ROBO2: variants seen among roughly 807,000 people sequenced by gnomAD.
ROBO2 encodes roundabout guidance receptor 2, also known as roundabout homolog 2.
Under a neutral mutation model 160.8 loss-of-function variants are expected in ROBO2, and 53 were observed. The ratio of observed to expected loss-of-function variants is 0.33; its 90% CI spans 0.26 to 0.41. ROBO2 has a LOEUF of 0.41. Ranked by LOEUF, ROBO2 falls within the 10% of genes least tolerant of loss-of-function variation. The pLI is 1.00. For synonymous variants in ROBO2, 664 were observed against 611.7 expected (o/e 1.09, Z -1.26); for missense variants, 1,577 against 1,722.4 (o/e 0.92, Z 1.49).
At chr3:76,114,074 C>T (rs35674035) in intron 2 of ROBO2, among the ~76,000 whole-genome samples, 39,671 of 152,114 alleles carry the variant, frequency 0.26, 5,668 homozygotes, top group Non-Finnish European at 0.33. Context: ...AATAAAGCTC[C>T]TTTCCTTTTA....
chr3:77,089,085 T>TA (rs2069759808), intron 1 of ROBO2, among the ~76,000 whole-genome samples: 1 of 152,144 alleles, frequency 6.6e-6, no homozygotes, highest in Non-Finnish European at 1.5e-5. Context: ...TAAGGTGATA[T>TA]AACTAACCAT....
intron 22 of ROBO2, among the ~76,000 whole-genome samples, chr3:77,621,051 C>T (rs1199560815): frequency 6.6e-6 from 1 of 152,120 alleles, no homozygotes; most frequent in African/African-American, 2.4e-5. Context: ...ATCAACTGGA[C>T]CCTACTGCCC....
intron 5 of ROBO2, among the ~76,000 whole-genome samples, chr3:77,503,002 A>G (rs1165543732): frequency 6.6e-6 from 1 of 152,088 alleles, no homozygotes; most frequent in Non-Finnish European, 1.5e-5. Flanking sequence ...ACCAAATTTA[A>G]GTGTACTAAA....
chr3:77,068,510 A>C (rs2149816828), intron 1 of ROBO2, among the ~76,000 whole-genome samples: 1 of 152,240 alleles, frequency 6.6e-6, no homozygotes, highest in East Asian at 1.9e-4. Context: ...TGGTTTCTAA[A>C]GCCTCTTATC....
At chr3:77,086,338 C>A (rs1349747443) in intron 1 of ROBO2, among the ~76,000 whole-genome samples, 1 of 152,018 alleles carries the variant, frequency 6.6e-6, no homozygotes, top group South Asian at 2.1e-4. Flanking sequence ...CAATGTTATT[C>A]GACTGATACT....
rs190412411 is a variant in ROBO2 at position 77,247,979 on chromosome 3, G to A, written c.388+149639G>A. ...TGCATCCCTGTTTTCCTGCTCGAATGTTGCCTTTCCACCCACAGCCCCACC... is the reference window on the plus strand; with the variant it reads ...TGCATCCCTGTTTTCCTGCTCGAATATTGCCTTTCCACCCACAGCCCCACC... On this transcript the variant is annotated intron_variant, in intron 2 of 25. Transcript: ENST00000461745. Among the ~76,000 whole-genome samples the A allele has an allele frequency of 3.4e-3, 519 of 152,244 alleles. 1 individual carries two copies. Among genetic ancestry groups the A allele is most frequent in the African/African-American group, 0.012 (494 of 41,532 alleles).
chr3:76,607,094 G>C (rs932494619), intron 2 of ROBO2, among the ~76,000 whole-genome samples: 1 of 152,158 alleles, frequency 6.6e-6, no homozygotes, highest in African/African-American at 2.4e-5. Context: ...CCAGCCTAGA[G>C]CGCCGTGGCT....
chr3:76,749,258 A>C (rs1331745459), intron 2 of ROBO2, among the ~76,000 whole-genome samples: 1 of 151,880 alleles, frequency 6.6e-6, no homozygotes, highest in Non-Finnish European at 1.5e-5. Context: ...CTTTAGAAAA[A>C]AATAGAATTT....
chr3:76,242,653 C>T (rs934387170), intron 2 of ROBO2, among the ~76,000 whole-genome samples: 5 of 152,010 alleles, frequency 3.3e-5, no homozygotes, highest in East Asian at 1.9e-4. Flanking sequence ...TGGAAGGCTG[C>T]GGTGGGAGGA....
chr3:75,924,636 G>A (rs534708423), intron 1 of ROBO2, among the ~76,000 whole-genome samples: 16 of 139,728 alleles, frequency 1.1e-4, no homozygotes, highest in Admixed American at 5.7e-4. Flanking sequence ...GATGTATAGA[G>A]TTAAATTGGA....
intron 2 of ROBO2, among the ~76,000 whole-genome samples, chr3:76,703,999 T>G (rs2093103269): frequency 6.6e-6 from 1 of 152,098 alleles, no homozygotes; most frequent in Non-Finnish European, 1.5e-5. Flanking sequence ...TTTTTTTCCT[T>G]TTTGTTATAG....
At chr3:76,033,961 A>G (rs975175943) in intron 2 of ROBO2, among the ~76,000 whole-genome samples, 3 of 152,346 alleles carry the variant, frequency 2.0e-5, no homozygotes, top group Middle Eastern at 3.4e-3. Context: ...CCTGAGCTCA[A>G]AAGTCCTAGA....
At chr3:76,566,587 C>T (rs1344252534) in intron 2 of ROBO2, among the ~76,000 whole-genome samples, 1 of 152,210 alleles carries the variant, frequency 6.6e-6, no homozygotes, top group Non-Finnish European at 1.5e-5. Context: ...AAGAGTAATT[C>T]TATTATAAAA....
chr3:77,384,034 G>A (rs542172057), intron 2 of ROBO2, among the ~76,000 whole-genome samples: 36 of 152,086 alleles, frequency 2.4e-4, no homozygotes, highest in South Asian at 1.5e-3. Context: ...AAAATATGCC[G>A]CCCTGAAAAT....
intron 2 of ROBO2, among the ~76,000 whole-genome samples, chr3:76,726,505 C>G (rs539050084): frequency 6.6e-6 from 1 of 152,084 alleles, no homozygotes; most frequent in Non-Finnish European, 1.5e-5. Flanking sequence ...TTTGTCTTCA[C>G]TTTTCTGAGT....
intron 6 of ROBO2, among the ~76,000 whole-genome samples, chr3:77,524,077 G>C (rs1008862589): frequency 6.6e-6 from 1 of 151,132 alleles, no homozygotes; most frequent in Admixed American, 6.6e-5. Context: ...ATTATTAGGA[G>C]ACAGGCATTT....
At chr3:77,178,115 A>G (rs2080333634) in intron 2 of ROBO2, among the ~76,000 whole-genome samples, 1 of 152,030 alleles carries the variant, frequency 6.6e-6, no homozygotes. Flanking sequence ...TTAAGTAGAC[A>G]GTAAAGACAA....
At chr3:77,464,614 C>A (rs1361880948) in intron 2 of ROBO2, among the ~76,000 whole-genome samples, 1 of 152,074 alleles carries the variant, frequency 6.6e-6, no homozygotes, top group Non-Finnish European at 1.5e-5. Flanking sequence ...ATAGTACTTC[C>A]TTAGGATTTC....
chr3:76,309,403 G>T (rs963499297), intron 2 of ROBO2, among the ~76,000 whole-genome samples: 3 of 152,034 alleles, frequency 2.0e-5, no homozygotes, highest in Non-Finnish European at 4.4e-5. Context: ...GGTGATTATT[G>T]TTTCTAAACT....
Sources: allele counts gnomAD v4.1 joint callset (sites outside exome capture counted in the v4.1 genomes callset), GRCh38; gene constraint gnomAD v4.1.1; transcripts MANE v1.5; gene names NCBI Gene and HGNC (gene_info 2026-07-23, HGNC 2026-07-21).